Variants in GPHN observed in about 807,000 individuals in gnomAD.
GPHN encodes the protein gephyrin.
Under a neutral mutation model 95.5 loss-of-function variants are expected in GPHN, and 17 were observed. The ratio of observed to expected loss-of-function variants is 0.18; its 90% confidence interval spans 0.12 to 0.27. The LOEUF is 0.27. Ranked by LOEUF, GPHN falls within the 10% of genes least tolerant of loss-of-function variation. GPHN has a pLI of 1.00. For synonymous variants in GPHN, 320 were observed against 322.5 expected, an observed-to-expected ratio of 0.99 and a Z score of 0.08; for missense variants, 660 against 978.1, an observed-to-expected ratio of 0.67 and a Z score of 4.34.
At chr14:67,017,704 T>C (rs1489747134) in intron 9 of GPHN, among the ~76,000 whole-genome samples, 2 of 152,102 alleles carry the variant, frequency 1.3e-5, no homozygotes, top group Non-Finnish European at 1.5e-5. Flanking sequence ...TTTATTGGAC[T>C]CCAAATGTCA....
At chr14:67,685,108 G>A in the GPHN span, 6 of 1,614,120 alleles carry the variant, frequency 3.7e-6, no homozygotes, top group Non-Finnish European at 3.4e-6. Flanking sequence ...GATGAAAAAG[G>A]AGAAAAGCCA....
chr14:66,606,259 C>G (rs1023847294), intron 1 of GPHN, among the ~76,000 whole-genome samples: 2 of 152,160 alleles, frequency 1.3e-5, no homozygotes, highest in Non-Finnish European at 2.9e-5. Flanking sequence ...GTCCTTTCCT[C>G]ATTGCTTCCT....
chr14:67,635,689 C>T, the GPHN span, among the ~76,000 whole-genome samples: 2 of 152,086 alleles, frequency 1.3e-5, no homozygotes, highest in Non-Finnish European at 2.9e-5. Context: ...CCTGTCTCTA[C>T]TGAAAATGCA....
the GPHN span, among the ~76,000 whole-genome samples, chr14:67,606,629 TTTG>T: frequency 4.6e-5 from 7 of 152,090 alleles, no homozygotes; most frequent in East Asian, 5.8e-4. Flanking sequence ...AGCCCTGGTT[TTTG>T]TTGTTGTTGT....
the GPHN span, chr14:67,619,694 T>C: frequency 1.8e-5 from 6 of 334,450 alleles, no homozygotes; most frequent in East Asian, 3.3e-4. Flanking sequence ...ATTGGCCTTC[T>C]GGCGTCAGCG....
At chr14:66,553,374 C>T (rs1410339016) in intron 1 of GPHN, among the ~76,000 whole-genome samples, 1 of 152,056 alleles carries the variant, frequency 6.6e-6, no homozygotes, top group Non-Finnish European at 1.5e-5. Context: ...CCCAGTCTCA[C>T]TCTTTTCTCC....
chr14:66,683,343 T>TTC (rs371854980), intron 2 of GPHN, among the ~76,000 whole-genome samples: 3 of 45,164 alleles, frequency 6.6e-5, no homozygotes, highest in Non-Finnish European at 1.1e-4. Context: ...TATATATATA[T>TTC]ATATATATAT....
chr14:66,816,850 G>T (rs2060989913), intron 3 of GPHN, among the ~76,000 whole-genome samples: 1 of 151,944 alleles, frequency 6.6e-6, no homozygotes, highest in South Asian at 2.1e-4. Flanking sequence ...CTTTTGTAAT[G>T]GATGAGTATA....
At chr14:67,005,368 T>G (rs1325159514) in intron 9 of GPHN, among the ~76,000 whole-genome samples, 1 of 151,892 alleles carries the variant, frequency 6.6e-6, no homozygotes, top group East Asian at 1.9e-4. Flanking sequence ...ATTTACATTT[T>G]TATTCTCATT....
At chr14:67,110,339 G>A in intron 14 of GPHN, 80 bp downstream of exon 14, 1 of 1,496,266 alleles carries the variant, frequency 6.7e-7, no homozygotes, top group East Asian at 2.3e-5. Flanking sequence ...GTGTTTGTGA[G>A]ATTAACCCAG....
intron 2 of GPHN, among the ~76,000 whole-genome samples, chr14:66,760,058 C>T (rs1043990034): frequency 6.6e-6 from 1 of 152,118 alleles, no homozygotes; most frequent in Non-Finnish European, 1.5e-5. Flanking sequence ...TCACATCATC[C>T]TCTTTATAAT....
At chr14:67,147,335 T>C (rs1454392923) in intron 18 of GPHN, among the ~76,000 whole-genome samples, 1 of 152,210 alleles carries the variant, frequency 6.6e-6, no homozygotes, top group Admixed American at 6.5e-5. Context: ...CTATTGACTA[T>C]AGCTTGTAGC....
At chr14:66,540,680 G>A (rs2059322863) in intron 1 of GPHN, among the ~76,000 whole-genome samples, 1 of 152,148 alleles carries the variant, frequency 6.6e-6, no homozygotes, top group South Asian at 2.1e-4. Flanking sequence ...GAACACTAGA[G>A]TTCTCCAACT....
chr14:67,242,990 C>T, the GPHN span, among the ~76,000 whole-genome samples: 1 of 152,102 alleles, frequency 6.6e-6, no homozygotes, highest in Non-Finnish European at 1.5e-5. Flanking sequence ...TTAAAAATCT[C>T]ATCACAGGGG....
At chr14:67,729,831 T>C in the GPHN span, 75 of 469,978 alleles carry the variant, frequency 1.6e-4, no homozygotes, top group African/African-American at 1.1e-3. Flanking sequence ...TGTTGAAATA[T>C]AGAAGTAGAA....
chr14:67,414,999 C>G, the GPHN span, among the ~76,000 whole-genome samples: 1 of 152,206 alleles, frequency 6.6e-6, no homozygotes, highest in South Asian at 2.1e-4. Flanking sequence ...GGGCAATGCC[C>G]CCAGCAGCGA....
chr14:67,114,266 A>C (rs1370705866), intron 16 of GPHN, among the ~76,000 whole-genome samples: 1 of 152,218 alleles, frequency 6.6e-6, no homozygotes, highest in Non-Finnish European at 1.5e-5. Context: ...TTAGAACCAA[A>C]TAACACTATA....
At chr14:67,097,245 A>T (rs1332541187) in intron 12 of GPHN, among the ~76,000 whole-genome samples, 1 of 152,214 alleles carries the variant, frequency 6.6e-6, no homozygotes, top group African/African-American at 2.4e-5. Context: ...CACAGAGAAG[A>T]TGACACTTGA....
chr14:67,246,565 A>G, the GPHN span, among the ~76,000 whole-genome samples: 1 of 151,814 alleles, frequency 6.6e-6, no homozygotes, highest in South Asian at 2.1e-4. Context: ...GGTCTTGAGC[A>G]GCTGAGCACA....
Sources: allele counts gnomAD v4.1 joint callset (sites outside exome capture counted in the v4.1 genomes callset), GRCh38; gene constraint gnomAD v4.1.1; transcripts MANE v1.5; gene names NCBI Gene and HGNC (gene_info 2026-07-23, HGNC 2026-07-21).